The following ANAPC4 variants were observed in gnomAD, a reference collection of about 807,000 sequenced individuals.
The protein encoded by ANAPC4 is anaphase-promoting complex subunit 4.
Under a neutral mutation model 119.8 loss-of-function variants are expected in ANAPC4, and 63 were observed. The observed-to-expected ratio is 0.53, with a 90% CI of 0.43 to 0.65. The LOEUF (loss-of-function observed/expected upper bound fraction) is 0.65. ANAPC4 is among the 30% of genes least tolerant of loss of function. ANAPC4 has a pLI of 0.00. For synonymous variants in ANAPC4, 283 were observed against 318.6 expected (o/e 0.89, Z 1.19); for missense variants, 716 against 945.1 (o/e 0.76, Z 3.18).
intron 16 of ANAPC4, among the ~76,000 whole-genome samples, chr4:25,399,307 TATG>T (rs1275732737): frequency 6.6e-6 from 1 of 152,206 alleles, no homozygotes; most frequent in African/African-American, 2.4e-5. Context: ...ATATGTCCAG[TATG>T]ATAAGATGCA....
intron 19 of ANAPC4, 23 bp downstream of exon 19, chr4:25,406,908 ATGCAG>A (rs1723281631): frequency 6.5e-7 from 1 of 1,539,074 alleles, no homozygotes; most frequent in Middle Eastern, 1.7e-4. Flanking sequence ...TATTTCTGTA[ATGCAG>A]TTTAAAAAAA....
At chr4:25,410,710 C>T (rs995725543) in intron 21 of ANAPC4, among the ~76,000 whole-genome samples, 11 of 152,186 alleles carry the variant, frequency 7.2e-5, no homozygotes, top group African/African-American at 2.7e-4. Flanking sequence ...ACCGACATGA[C>T]ACCACTAGTG....
intron 16 of ANAPC4, among the ~76,000 whole-genome samples, chr4:25,400,989 T>G (rs1297072013): frequency 6.6e-6 from 1 of 152,128 alleles, no homozygotes; most frequent in African/African-American, 2.4e-5. Context: ...GAGGACAGGA[T>G]CATTAAACTG....
rs757328988 is a variant in ANAPC4, at chr4:25,393,863, T to G, written c.848T>G (p.Met283Arg). 1.9e-6 allele frequency: 3 copies of G among 1,611,592 alleles called. No homozygotes were observed. Among genetic ancestry groups the G allele is most frequent in the Admixed American group, 1.7e-5 (1 of 59,710 alleles). Reference sequence around the variant, plus strand: ...GCATGGGAAGAAATACTAATGCAGATGGATTCTCGTCTCACCAAGTTTGTG... The same window carrying G: ...GCATGGGAAGAAATACTAATGCAGAGGGATTCTCGTCTCACCAAGTTTGTG... The part of the protein sequence containing the change: ...CEAWEEILMQ[M>R]DSRLTKFVQE... Residue 283 changes from methionine to arginine, a missense_variant, in exon 11 of 29, where the codon ATG becomes AGG. Met to Arg is a moderately conservative substitution (Grantham distance 91). Coordinates refer to ENST00000315368, the MANE Select transcript of ANAPC4 (RefSeq NM_013367.3).
intron 24 of ANAPC4, 29 bp downstream of exon 24, chr4:25,414,533 G>A: frequency 1.3e-6 from 2 of 1,587,050 alleles, no homozygotes; most frequent in Non-Finnish European, 1.7e-6. Context: ...CCTATCTTGA[G>A]TGAACAATAC....
intron 1 of ANAPC4, 34 bp downstream of exon 1, chr4:25,377,378 CG>C: frequency 3.1e-6 from 5 of 1,605,432 alleles, no homozygotes; most frequent in South Asian, 1.1e-5. Context: ...CGTGGAGAGC[CG>C]GGGGCTCCTG....
intron 17 of ANAPC4, among the ~76,000 whole-genome samples, chr4:25,404,503 A>G (rs1234258212): frequency 2.6e-5 from 4 of 152,148 alleles, no homozygotes; most frequent in Non-Finnish European, 5.9e-5. Flanking sequence ...TAACTGTAGT[A>G]AGAATCTAAC....
chr4:25,394,954 G>T, intron 14 of ANAPC4, 49 bp downstream of exon 14: 2 of 1,398,188 alleles, frequency 1.4e-6, no homozygotes, highest in East Asian at 4.7e-5. Flanking sequence ...CACATACCTG[G>T]CGTTGGCCTT....
In ANAPC4 at chr4:25,414,682, G is replaced by C. The variant is rs1161579146; in HGVS notation, c.1808G>C (p.Arg603Thr). 2.0e-6 allele frequency: 3 copies of C among 1,530,160 alleles called. No homozygotes were observed. The highest frequency in any genetic ancestry group is 2.7e-6 in the Non-Finnish European group (3 of 1,129,100). 94.8% of individuals were successfully genotyped at this position (1,530,160 alleles called of 1,614,324 possible). ...DSLYKMCILR[R>T]HTDISQSVSN... Reference sequence around the variant, plus strand: ...CTTTATAAAATGTGCATCTTAAGGAGACATACTGATATTTCTCAGTAAGTA... The same window carrying C: ...CTTTATAAAATGTGCATCTTAAGGACACATACTGATATTTCTCAGTAAGTA... The change falls in exon 25 of 29, where the codon AGA becomes ACA. Residue 603 changes from arginine (R) to threonine (T), a missense_variant. Arg to Thr is a moderately conservative substitution (Grantham distance 71). Coordinates refer to ENST00000315368, the MANE Select transcript of ANAPC4 (RefSeq NM_013367.3).
chr4:25,387,516 G>T (rs191907976), intron 4 of ANAPC4, among the ~76,000 whole-genome samples: 1 of 152,310 alleles, frequency 6.6e-6, no homozygotes, highest in Admixed American at 6.5e-5. Context: ...TAGAATGTTA[G>T]AGGGTCAGAG....
chr4:25,379,634 G>A (rs1231511631), intron 2 of ANAPC4, among the ~76,000 whole-genome samples: 1 of 152,186 alleles, frequency 6.6e-6, no homozygotes, highest in South Asian at 2.1e-4. Flanking sequence ...ACCTGACCAT[G>A]AGCTGCAGAA....
At chr4:25,379,098 G>A (rs1721576033) in intron 2 of ANAPC4, among the ~76,000 whole-genome samples, 1 of 152,172 alleles carries the variant, frequency 6.6e-6, no homozygotes, top group South Asian at 2.1e-4. Context: ...CCTGGAAAGA[G>A]GGGTGGTGGA....
intron 27 of ANAPC4, chr4:25,417,118 A>T (rs921417640): frequency 2.0e-5 from 3 of 152,194 alleles, no homozygotes; most frequent in Admixed American, 6.6e-5. Context: ...TTGGAATTAC[A>T]GTATTTCTTT....
rs941281660 is a variant in ANAPC4 at position 25,383,487 on chromosome 4, G to C, written c.368+94G>C. Reference sequence around the variant, plus strand: ...GAGTATCTGAGTATTGGGTGTATGTGCGTTGTATTTAAATTTTGGTTTCAG... The same window carrying C: ...GAGTATCTGAGTATTGGGTGTATGTCCGTTGTATTTAAATTTTGGTTTCAG... On this transcript the variant is annotated intron_variant, in intron 4 of 28. Transcript: ENST00000315368. 9 of 1,194,538 alleles carry C rather than the reference G, an allele frequency of 7.5e-6. No individual in the cohort carries two copies. The African/African-American group carries it at 7.8e-5, about 10-fold the overall frequency. The allele number at this position is 1,194,538 out of a possible 1,614,324, so 74.0% of individuals were successfully genotyped here.
intron 17 of ANAPC4, among the ~76,000 whole-genome samples, chr4:25,404,765 T>C (rs944749358): frequency 6.6e-6 from 1 of 152,144 alleles, no homozygotes; most frequent in Non-Finnish European, 1.5e-5. Flanking sequence ...TTTTCTTCTT[T>C]GTAAAATGTA....
At chr4:25,411,248 G>A (rs369377649) in intron 21 of ANAPC4, among the ~76,000 whole-genome samples, 3 of 152,208 alleles carry the variant, frequency 2.0e-5, no homozygotes, top group African/African-American at 7.2e-5. Context: ...GTCTGGAGAG[G>A]GTCAGTGGCA....
chr4:25,378,124 C>T (rs1336454157), intron 2 of ANAPC4, among the ~76,000 whole-genome samples: 1 of 152,214 alleles, frequency 6.6e-6, no homozygotes, highest in Non-Finnish European at 1.5e-5. Context: ...ACAAGGAAGG[C>T]ATGCATTGGA....
chr4:25,405,474 T>A lies in ANAPC4; in HGVS notation c.1271-99T>A. 1 of 1,078,546 alleles carries A rather than the reference T, an allele frequency of 9.3e-7. No homozygotes were observed. Among genetic ancestry groups the A allele is most frequent in the Non-Finnish European group, 1.4e-6 (1 of 726,394 alleles). The allele number at this position is 1,078,546 out of a possible 1,614,324, so 66.8% of individuals were successfully genotyped here. ...GTGAAAAGCTGTGTAAAATTGAAGA[T>A]TTAGTTCAGTCAAACACCTTGTCTT... On this transcript the variant is annotated intron_variant, in intron 17 of 28. Transcript: ENST00000315368. This position sits in a 1 kb window ranked among gnomAD's most constrained non-coding sequence, Gnocchi z 4.6.
rs777917978 is a variant in ANAPC4, at chr4:25,392,448, G to A, written c.789+27G>A. The stretch of plus-strand genomic sequence containing the variant: ...TATTTATTTAGAGCTTGTTTTATGT[G>A]AATATTTATTATCGGCTTCTAAAGT... On this transcript the variant is annotated intron_variant, in intron 10 of 28. Coordinates refer to ENST00000315368, the MANE Select transcript of ANAPC4 (RefSeq NM_013367.3). The A allele has an allele frequency of 2.6e-6, 4 of 1,558,730 alleles. No homozygotes were observed. The East Asian group carries it at 9.0e-5, about 35-fold the overall frequency.
Sources: allele counts gnomAD v4.1 joint callset (sites outside exome capture counted in the v4.1 genomes callset), GRCh38; gene constraint gnomAD v4.1.1; non-coding constraint Gnocchi (gnomAD v3.1); transcripts MANE v1.5; gene names NCBI Gene and HGNC (gene_info 2026-07-23, HGNC 2026-07-21).